The following CAB39 variants were observed in gnomAD, a reference collection of about 807,000 sequenced individuals.
CAB39 encodes calcium-binding protein 39.
CAB39 carries 8 observed loss-of-function variants against 40.0 expected under a neutral mutation model. The observed-to-expected ratio is 0.20, with a 90% CI of 0.12 to 0.36. The LOEUF is 0.36. Among genes scored for constraint, CAB39 ranks in the 10% least tolerant of loss-of-function variants. The probability of loss-of-function intolerance (pLI) is 1.00; values close to 1 mark genes in which losing one functional copy is unlikely to be tolerated. For missense variants in CAB39, 270 were observed against 401.1 expected, an observed-to-expected ratio of 0.67 and a Z score of 2.79; for synonymous variants, 156 against 141.6, an observed-to-expected ratio of 1.10 and a Z score of -0.72.
chr2:230,743,339 C>T lies in CAB39; in HGVS notation c.-43-16620C>T, dbSNP rs79692224. 3.7e-3 allele frequency among the ~76,000 whole-genome samples: 562 copies of T among 152,198 alleles called. 5 individuals are homozygous for T. The highest frequency in any genetic ancestry group is 0.014 in the East Asian group (70 of 5,182). On this transcript the variant is annotated intron_variant, in intron 1 of 8. Transcript: ENST00000258418. ...TCATTAAAAATAAGACCCCCAAAGACGAGTCTTTTTGCTGAAATAGTTAAA... is the reference window on the plus strand; with the variant it reads ...TCATTAAAAATAAGACCCCCAAAGATGAGTCTTTTTGCTGAAATAGTTAAA...
rs527858587 is a variant in CAB39 at position 230,756,655 on chromosome 2, C to CTGTTTGTTTGTT, written c.-43-3295_-43-3294insGTTTGTTTGTTT. Among the ~76,000 whole-genome samples the CTGTTTGTTTGTT allele has an allele frequency of 3.6e-5, 5 of 138,376 alleles. No homozygotes were observed. In the East Asian group the frequency reaches 6.0e-4, roughly 17 times the overall value. 90.8% of individuals were successfully genotyped at this position (138,376 alleles called of 152,430 possible). A position where few individuals can be genotyped will look rare whatever the true frequency, so the allele number is the denominator to read the frequency against. On this transcript the variant is annotated intron_variant, in intron 1 of 8. Transcript: ENST00000258418. ...TAAAAATAAAGAGGATAGTTTCTAA[C>CTGTTTGTTTGTT]TGTTTGTTTATTTATTTATTTATTT...
chr2:230,818,975 T>C lies in CAB39; in HGVS notation c.*271T>C, dbSNP rs115143121. 2.4e-3 allele frequency: 823 copies of C among 337,254 alleles called. 7 individuals carry two copies. Among genetic ancestry groups the C allele is most frequent in the African/African-American group, 0.016 (730 of 46,680 alleles). 20.9% of individuals were successfully genotyped at this position (337,254 alleles called of 1,614,324 possible). On this transcript the variant is annotated 3_prime_UTR_variant, in exon 9 of 9. Coordinates refer to ENST00000258418, the MANE Select transcript of CAB39 (RefSeq NM_016289.4). The stretch of plus-strand genomic sequence containing the variant: ...GGAGTTCTGAACATGGCTGGGTTCA[T>C]GAAGGCAAATGTATGGATGAGAGTG...
In CAB39 at chr2:230,736,939, G is replaced by T. The variant is rs535724850; in HGVS notation, c.-43-23020G>T. On this transcript the variant is annotated intron_variant, in intron 1 of 8. Coordinates refer to ENST00000258418, the MANE Select transcript of CAB39 (RefSeq NM_016289.4). ...TTTAATTAAAATTGAGTACCAGAGA[G>T]GTCCAAGGTTAGAGTGTCTGGTAGC... Among the ~76,000 whole-genome samples, 5 of 152,230 alleles carry T rather than the reference G, an allele frequency of 3.3e-5. No individual in the cohort carries two copies. The South Asian group carries it at 1.0e-3, about 32-fold the overall frequency.
chr2:230,750,792 C>T (rs932080337), intron 1 of CAB39, among the ~76,000 whole-genome samples: 6 of 152,160 alleles, frequency 3.9e-5, no homozygotes, highest in African/African-American at 1.4e-4. Flanking sequence ...AGATACAGTG[C>T]TAAGCACTTT....
chr2:230,801,257 G>A (rs943161928), intron 5 of CAB39, among the ~76,000 whole-genome samples: 31 of 152,162 alleles, frequency 2.0e-4, no homozygotes, highest in African/African-American at 7.0e-4. Context: ...TAGCAGACAG[G>A]TGGAAGTCAC....
intron 2 of CAB39, among the ~76,000 whole-genome samples, chr2:230,780,515 G>C (rs1249086300): frequency 6.6e-6 from 1 of 152,160 alleles, no homozygotes; most frequent in Non-Finnish European, 1.5e-5. Context: ...CAGTTCCTCA[G>C]TCTTTCTTAT....
At chr2:230,748,831 A>ATATATATATATATAT (rs1553669220) in intron 1 of CAB39, among the ~76,000 whole-genome samples, 1 of 28,498 alleles carries the variant, frequency 3.5e-5, no homozygotes, top group Non-Finnish European at 6.3e-5. Context: ...AAAAAAAAAA[A>ATATATATATATATAT]ATATATATAT....
At chr2:230,770,400 C>T (rs905536138) in intron 2 of CAB39, among the ~76,000 whole-genome samples, 1 of 152,228 alleles carries the variant, frequency 6.6e-6, no homozygotes, top group South Asian at 2.1e-4. Context: ...CACAAATTGC[C>T]AAAGCTAACT....
intron 5 of CAB39, among the ~76,000 whole-genome samples, chr2:230,807,822 G>T (rs757246566): frequency 1.1e-4 from 17 of 152,186 alleles, no homozygotes; most frequent in Non-Finnish European, 1.8e-4. Flanking sequence ...TTGAGAGCCA[G>T]TGTCTCTCAG....
intron 1 of CAB39, among the ~76,000 whole-genome samples, chr2:230,724,102 CTGAG>C (rs1370146990): frequency 6.6e-6 from 1 of 151,920 alleles, no homozygotes; most frequent in Non-Finnish European, 1.5e-5. Context: ...CAAAAATTAG[CTGAG>C]TGTGGTGACG....
chr2:230,798,201 T>A (rs1001388677), intron 4 of CAB39, among the ~76,000 whole-genome samples: 1 of 152,198 alleles, frequency 6.6e-6, no homozygotes, highest in Non-Finnish European at 1.5e-5. Flanking sequence ...AGGAGGAGGC[T>A]TATCAGCTTG....
intron 2 of CAB39, among the ~76,000 whole-genome samples, chr2:230,785,417 A>G (rs1462746310): frequency 6.6e-6 from 1 of 151,920 alleles, no homozygotes; most frequent in East Asian, 1.9e-4. Flanking sequence ...TGTGGAATCT[A>G]AGGAGGGCCT....
chr2:230,741,526 G>A (rs1559594303), intron 1 of CAB39, among the ~76,000 whole-genome samples: 1 of 152,262 alleles, frequency 6.6e-6, no homozygotes, highest in African/African-American at 2.4e-5. Flanking sequence ...TTTCTTGAAA[G>A]ATGGAGTCTC....
At chr2:230,774,705 G>T (rs1243284286) in intron 2 of CAB39, among the ~76,000 whole-genome samples, 2 of 152,118 alleles carry the variant, frequency 1.3e-5, no homozygotes. Flanking sequence ...ATTTTAAGAG[G>T]GGGGAAAGGG....
intron 1 of CAB39, among the ~76,000 whole-genome samples, chr2:230,746,182 GA>G (rs1469760216): frequency 7.9e-5 from 12 of 152,202 alleles, no homozygotes; most frequent in Non-Finnish European, 1.3e-4. Flanking sequence ...GGAATCAGAA[GA>G]CTTGCCTTGA....
chr2:230,776,497 A>C (rs1270449541), intron 2 of CAB39, among the ~76,000 whole-genome samples: 1 of 152,210 alleles, frequency 6.6e-6, no homozygotes, highest in East Asian at 1.9e-4. Context: ...TCTGTTCTCC[A>C]AGTCTATACA....
chr2:230,737,848 A>G (rs996488000), intron 1 of CAB39, among the ~76,000 whole-genome samples: 1 of 152,202 alleles, frequency 6.6e-6, no homozygotes, highest in African/African-American at 2.4e-5. Flanking sequence ...CAGTTTGACT[A>G]TATTATGATG....
intron 7 of CAB39, among the ~76,000 whole-genome samples, chr2:230,816,127 G>C (rs1009722383): frequency 1.1e-4 from 17 of 152,140 alleles, no homozygotes; most frequent in Non-Finnish European, 1.9e-4. Context: ...AAATTAATTA[G>C]CCAGGTGTGG....
chr2:230,794,452 A>T (rs1214139298), intron 4 of CAB39, among the ~76,000 whole-genome samples: 2 of 152,222 alleles, frequency 1.3e-5, no homozygotes, highest in East Asian at 3.8e-4. Flanking sequence ...TTTAAAGCCC[A>T]TATTTCCTTT....
Sources: gnomAD v4.1 joint callset for allele counts (sites outside exome capture counted in the v4.1 genomes callset) on GRCh38, gnomAD v4.1.1 for gene constraint, MANE v1.5 for transcripts, NCBI Gene and HGNC (gene_info 2026-07-23, HGNC 2026-07-21) for gene names.